The following PIK3C2G variants were observed in gnomAD, a reference collection of about 807,000 sequenced individuals.
PIK3C2G encodes the protein phosphatidylinositol 3-kinase C2 domain-containing subunit gamma.
A neutral mutation model predicts 181.1 loss-of-function variants in PIK3C2G; 168 were observed. The ratio of observed to expected loss-of-function variants is 0.93; its 90% CI spans 0.82 to 1.05. PIK3C2G has a LOEUF of 1.05. PIK3C2G is among the 50% of genes least tolerant of loss of function. The probability of loss-of-function intolerance (pLI) is 0.00; values close to 1 mark genes in which losing one functional copy is unlikely to be tolerated. For synonymous variants in PIK3C2G, 573 were observed against 592.2 expected, an observed-to-expected ratio of 0.97 and a Z score of 0.47; for missense variants, 1,869 against 1,732.8, an observed-to-expected ratio of 1.08 and a Z score of -1.40.
chr12:18,292,368 A>G (rs938660080), intron 4 of PIK3C2G, among the ~76,000 whole-genome samples: 7 of 151,590 alleles, frequency 4.6e-5, no homozygotes, highest in South Asian at 2.1e-4. Flanking sequence ...TTCATTTCAT[A>G]TAATTGCTTC....
At chr12:18,527,200 C>T (rs528987629) in intron 24 of PIK3C2G, among the ~76,000 whole-genome samples, 2 of 152,106 alleles carry the variant, frequency 1.3e-5, no homozygotes, top group Non-Finnish European at 2.9e-5. Flanking sequence ...GTACAATGTG[C>T]TTGCCAATAT....
intron 8 of PIK3C2G, among the ~76,000 whole-genome samples, chr12:18,333,045 C>T (rs1030688725): frequency 6.6e-6 from 1 of 152,084 alleles, no homozygotes; most frequent in African/African-American, 2.4e-5. Context: ...TAAATTTTAG[C>T]TAATTTCTTA....
At position 18,488,535 on chromosome 12, in the gene PIK3C2G, C is replaced by A. The variant is rs1940267486; in HGVS notation, c.2591C>A (p.Ala864Asp). The change falls in exon 19 of 33, where the codon GCC (alanine) becomes GAC (aspartate). Residue 864 changes from alanine to aspartate, a missense_variant. Ala to Asp is a moderately radical substitution (Grantham distance 126, BLOSUM62 -2). Transcript: ENST00000538779. ...GCTCTCCAATTCTGTGCAGGTAAAG[C>A]CTTGAATGATGAGTTTTCCAAGGAG... The part of the protein sequence containing the change: ...LAALQFCAGK[A>D]LNDEFSKEQK... 1.3e-6 allele frequency: 2 copies of A among 1,591,438 alleles called. No homozygotes were observed. The highest frequency in any genetic ancestry group is 1.7e-6 in the Non-Finnish European group (2 of 1,168,576).
chr12:18,427,934 CTTTAACT>C (rs1945928678), intron 18 of PIK3C2G, among the ~76,000 whole-genome samples: 2 of 152,200 alleles, frequency 1.3e-5, no homozygotes, highest in South Asian at 2.1e-4. Context: ...AAGGAGTTTT[CTTTAACT>C]TTTAAGTCCA....
intron 31 of PIK3C2G, among the ~76,000 whole-genome samples, chr12:18,618,805 T>C (rs1338820377): frequency 6.6e-6 from 1 of 151,972 alleles, no homozygotes; most frequent in Admixed American, 6.6e-5. Context: ...AAAAATAAAA[T>C]ACCTAAAATG....
chr12:18,505,569 C>T (rs1255022000), intron 24 of PIK3C2G, 108 bp downstream of exon 24: 6 of 655,200 alleles, frequency 9.2e-6, no homozygotes, highest in African/African-American at 5.6e-5. Flanking sequence ...TCTCTCAAAT[C>T]CCCCCAGGTA....
At chr12:18,593,995 G>A (rs1210436371) in intron 29 of PIK3C2G, among the ~76,000 whole-genome samples, 1 of 151,748 alleles carries the variant, frequency 6.6e-6, no homozygotes, top group Admixed American at 6.6e-5. Flanking sequence ...ATTTTACTAT[G>A]TACAGAGAAC....
intron 30 of PIK3C2G, chr12:18,607,276 T>G (rs957871691): frequency 8.9e-6 from 4 of 447,866 alleles, no homozygotes; most frequent in African/African-American, 8.1e-5. Flanking sequence ...AGCCTGTTTG[T>G]AGAACTAAAC....
chr12:18,508,777 A>G (rs763031519), intron 24 of PIK3C2G, among the ~76,000 whole-genome samples: 15 of 152,132 alleles, frequency 9.9e-5, no homozygotes, highest in Non-Finnish European at 1.9e-4. Flanking sequence ...AACACCCCCC[A>G]TAATATACAA....
At chr12:18,274,663 G>T (rs1233621408) in intron 1 of PIK3C2G, among the ~76,000 whole-genome samples, 3 of 152,102 alleles carry the variant, frequency 2.0e-5, no homozygotes, top group Non-Finnish European at 4.4e-5. Flanking sequence ...TGGGGTGGGG[G>T]CAGGGGGGAG....
At chr12:18,620,568 A>AGATG (rs201479764) in intron 31 of PIK3C2G, among the ~76,000 whole-genome samples, 1,769 of 151,440 alleles carry the variant, frequency 0.012, 36 homozygotes, top group African/African-American at 0.041. Flanking sequence ...ATAGATAGAT[A>AGATG]GGTAACCATA....
At chr12:18,428,036 G>A (rs530989474) in intron 18 of PIK3C2G, among the ~76,000 whole-genome samples, 2 of 152,146 alleles carry the variant, frequency 1.3e-5, no homozygotes, top group South Asian at 4.1e-4. Flanking sequence ...CAGGTATTAA[G>A]CCTATGACCT....
chr12:18,698,542 C>T, the PIK3C2G span, among the ~76,000 whole-genome samples: 2 of 152,174 alleles, frequency 1.3e-5, no homozygotes, highest in Non-Finnish European at 2.9e-5. Context: ...TCAGAATCCG[C>T]ATTCCCAAAC....
chr12:18,605,840 T>A (rs1179040681), intron 30 of PIK3C2G, among the ~76,000 whole-genome samples: 2 of 152,128 alleles, frequency 1.3e-5, no homozygotes, highest in African/African-American at 4.8e-5. Flanking sequence ...ATGGTGCTTA[T>A]AAACCAGGCG....
intron 5 of PIK3C2G, among the ~76,000 whole-genome samples, 158 bp from the exon 6 acceptor site, chr12:18,313,804 T>TCACA (rs5796752): frequency 0.06 from 8,963 of 149,552 alleles, 356 homozygotes; most frequent in Non-Finnish European, 0.091. Flanking sequence ...GCATATATAT[T>TCACA]CACACACACA....
chr12:18,414,361 T>C (rs756947890), intron 16 of PIK3C2G, among the ~76,000 whole-genome samples: 15 of 152,092 alleles, frequency 9.9e-5, no homozygotes, highest in East Asian at 1.9e-4. Flanking sequence ...AAAAAGAAAA[T>C]TAAAGTAATC....
Position 18,346,684 on chromosome 12 carries a change from C to T in PIK3C2G, c.1473C>T (p.Tyr491=), listed in dbSNP as rs760030808. Reference sequence around the variant, plus strand: ...CAACTGAACTATCCACATCCATCTACCAGCTAATCAATGTCTACTGTAACA... The same window carrying T: ...CAACTGAACTATCCACATCCATCTATCAGCTAATCAATGTCTACTGTAACA... ...KVTTELSTSI[Y]QLINVYCNSF... The change falls in exon 11 of 33, where the codon TAC becomes TAT. Residue 491 remains tyrosine (Y), a synonymous_variant. Transcript: ENST00000538779. The T allele has an allele frequency of 6.2e-7, 1 of 1,613,188 alleles. No homozygotes were observed. The highest frequency in any genetic ancestry group is 8.5e-7 in the Non-Finnish European group (1 of 1,179,330).
At chr12:18,507,007 A>G (rs1300700539) in intron 24 of PIK3C2G, among the ~76,000 whole-genome samples, 2 of 151,666 alleles carry the variant, frequency 1.3e-5, no homozygotes, top group Non-Finnish European at 2.9e-5. Flanking sequence ...AAAATTTACC[A>G]CATATTCATT....
intron 15 of PIK3C2G, among the ~76,000 whole-genome samples, chr12:18,396,939 G>T (rs367994019): frequency 1.4e-4 from 21 of 151,796 alleles, no homozygotes; most frequent in African/African-American, 5.1e-4. Context: ...TATTTATGTG[G>T]AATGCAAAAG....
Sources: gnomAD v4.1 joint callset for allele counts (sites outside exome capture counted in the v4.1 genomes callset) on GRCh38, gnomAD v4.1.1 for gene constraint, MANE v1.5 for transcripts, NCBI Gene and HGNC (gene_info 2026-07-23, HGNC 2026-07-21) for gene names.